Variants in PTK2 observed in about 807,000 individuals in gnomAD.
PTK2 encodes protein tyrosine kinase 2.
PTK2 carries 45 observed loss-of-function variants against 150.1 expected under a neutral mutation model. The observed-to-expected ratio is 0.30, with a 90% confidence interval of 0.24 to 0.38. The LOEUF is 0.38. Ranked by LOEUF, PTK2 falls within the 10% of genes least tolerant of loss-of-function variation. PTK2 has a pLI of 1.00. For synonymous variants in PTK2, 432 were observed against 449.2 expected (o/e 0.96, Z 0.48); for missense variants, 919 against 1,307.3 (o/e 0.70, Z 4.58).
At position 140,698,301 on chromosome 8, in the gene PTK2, C is replaced by T. The variant is rs918998001; in HGVS notation, c.2499+2590G>A. On this transcript the variant is annotated intron_variant, in intron 26 of 31. Transcript: ENST00000522684. ...TAGTTTGGAGAATTTATAATATCTA[C>T]TTTTAAAAACACAAATCAATTCTGT... Among the ~76,000 whole-genome samples the T allele has an allele frequency of 5.9e-5, 9 of 152,118 alleles. No homozygotes were observed. In the East Asian group the frequency reaches 1.3e-3, roughly 23 times the overall value.
intron 14 of PTK2, among the ~76,000 whole-genome samples, chr8:140,769,241 A>G (rs2100074184): frequency 6.6e-6 from 1 of 152,226 alleles, no homozygotes; most frequent in African/African-American, 2.4e-5. Context: ...CTTGGGAAAC[A>G]GAGTGTATGG....
chr8:140,850,713 G>C (rs2100128758), intron 5 of PTK2, among the ~76,000 whole-genome samples: 1 of 152,186 alleles, frequency 6.6e-6, no homozygotes, highest in Non-Finnish European at 1.5e-5. Context: ...CTGGGCGACA[G>C]AGCGAGACTC....
intron 11 of PTK2, among the ~76,000 whole-genome samples, chr8:140,802,473 A>G (rs1048497286): frequency 6.6e-6 from 1 of 152,240 alleles, no homozygotes; most frequent in Admixed American, 6.5e-5. Context: ...ATAAAATATA[A>G]AAGTTACTGT....
chr8:140,910,966 C>G (rs1463807623), intron 2 of PTK2, among the ~76,000 whole-genome samples: 2 of 152,188 alleles, frequency 1.3e-5, no homozygotes, highest in Non-Finnish European at 2.9e-5. Context: ...CAGCCTCAAC[C>G]TCCTTGACTC....
intron 14 of PTK2, among the ~76,000 whole-genome samples, chr8:140,779,513 C>T (rs1204129847): frequency 2.0e-5 from 3 of 152,160 alleles, no homozygotes; most frequent in Admixed American, 1.3e-4. Flanking sequence ...GGTTCTCAGA[C>T]ACCATCAGTA....
intron 27 of PTK2, among the ~76,000 whole-genome samples, chr8:140,676,765 TA>T (rs869199304): frequency 0.051 from 2,855 of 55,526 alleles, 98 homozygotes; most frequent in Middle Eastern, 0.079. Context: ...GTCTCTACTT[TA>T]AAAAAAAAAA....
chr8:140,915,057 T>G (rs917395802), intron 2 of PTK2, among the ~76,000 whole-genome samples: 24 of 90,582 alleles, frequency 2.6e-4, no homozygotes, highest in Admixed American at 3.4e-4. Context: ...AAAAAAAAAG[T>G]CTACTACGTC....
chr8:140,685,880 T>C (rs192962660), intron 27 of PTK2, among the ~76,000 whole-genome samples: 2 of 152,196 alleles, frequency 1.3e-5, no homozygotes, highest in African/African-American at 4.8e-5. Flanking sequence ...AATCCCCTTA[T>C]TGGGTACACA....
At chr8:140,889,749 T>G (rs547181268) in intron 3 of PTK2, among the ~76,000 whole-genome samples, 1 of 152,262 alleles carries the variant, frequency 6.6e-6, no homozygotes, top group African/African-American at 2.4e-5. Flanking sequence ...AGGAGGTATT[T>G]AACACTTCAT....
chr8:140,885,032 T>C (rs982504297), intron 3 of PTK2, among the ~76,000 whole-genome samples: 1 of 152,192 alleles, frequency 6.6e-6, no homozygotes, highest in Non-Finnish European at 1.5e-5. Context: ...GGGATAAGAA[T>C]ACTGTCCAAG....
intron 22 of PTK2, among the ~76,000 whole-genome samples, chr8:140,729,702 C>T (rs944308825): frequency 3.9e-5 from 6 of 152,234 alleles, no homozygotes; most frequent in African/African-American, 1.4e-4. Flanking sequence ...CCAATATTAA[C>T]AACCTGCTCA....
At chr8:140,683,004 G>A (rs899216378) in intron 27 of PTK2, among the ~76,000 whole-genome samples, 2 of 152,004 alleles carry the variant, frequency 1.3e-5, no homozygotes, top group African/African-American at 4.8e-5. Flanking sequence ...CCCAAAATCA[G>A]AGCTGAACTA....
At position 140,741,462 on chromosome 8, in the gene PTK2, A is replaced by T. The variant is rs61380243; in HGVS notation, c.1735+1768T>A. ...AGAGTGAGACTCTGTCTCAAAAAAA[A>T]AATAATAATAATAAATAAAAATTAA... is the stretch of plus-strand genomic sequence containing the variant. On this transcript the variant is annotated intron_variant, in intron 20 of 31. Transcript: ENST00000522684. 8.6e-3 allele frequency among the ~76,000 whole-genome samples: 1,301 copies of T among 151,700 alleles called. 23 individuals carry two copies. The highest frequency in any genetic ancestry group is 0.03 in the African/African-American group (1,229 of 41,450).
chr8:140,874,299 T>C (rs996676553), intron 4 of PTK2, among the ~76,000 whole-genome samples: 4 of 152,216 alleles, frequency 2.6e-5, no homozygotes, highest in South Asian at 2.1e-4. Flanking sequence ...ACAGTATGAA[T>C]AGACTCTATA....
Position 140,956,918 on chromosome 8 carries a change from G to A in PTK2, c.-121-31169C>T, listed in dbSNP as rs138316814. Among the ~76,000 whole-genome samples, 555 of 151,978 alleles carry A rather than the reference G, an allele frequency of 3.7e-3. 6 individuals are homozygous for A. The highest frequency in any genetic ancestry group is 0.013 in the African/African-American group (519 of 41,438). On this transcript the variant is annotated intron_variant, in intron 1 of 31. Coordinates refer to ENST00000522684, the Ensembl canonical transcript of PTK2. ...CTCTACTAAAAATATAAAATTAGCC[G>A]GGCATGGTGACACATGCCTGTAGTC... is the stretch of plus-strand genomic sequence containing the variant.
At chr8:140,840,114 A>C in intron 7 of PTK2, among the ~76,000 whole-genome samples, 1 of 152,234 alleles carries the variant, frequency 6.6e-6, no homozygotes, top group East Asian at 1.9e-4. Context: ...GCTGGAGTGC[A>C]GTGGCATGAT....
chr8:140,947,075 A>C (rs1457206276), intron 1 of PTK2, among the ~76,000 whole-genome samples: 1 of 152,230 alleles, frequency 6.6e-6, no homozygotes, highest in East Asian at 1.9e-4. Flanking sequence ...TTAACTAAAA[A>C]AATTCGTACA....
At chr8:140,925,072 A>T (rs2100168954) in intron 2 of PTK2, among the ~76,000 whole-genome samples, 1 of 152,102 alleles carries the variant, frequency 6.6e-6, no homozygotes, top group Non-Finnish European at 1.5e-5. Flanking sequence ...CACCAAAAGC[A>T]GTTCACAAAA....
intron 8 of PTK2, among the ~76,000 whole-genome samples, chr8:140,826,715 G>C (rs2100111972): frequency 6.6e-6 from 1 of 152,200 alleles, no homozygotes; most frequent in South Asian, 2.1e-4. Context: ...AGGAGTTTGA[G>C]ACCAGCCAGG....
Sources: allele counts gnomAD v4.1 joint callset (sites outside exome capture counted in the v4.1 genomes callset), GRCh38; gene constraint gnomAD v4.1.1; transcripts MANE v1.5; gene names NCBI Gene and HGNC (gene_info 2026-07-23, HGNC 2026-07-21).